DCBLD1: variants seen among roughly 807,000 people sequenced by gnomAD.
DCBLD1 encodes the protein discoidin, CUB and LCCL domain containing 1, also known as discoidin, CUB and LCCL domain-containing protein 1.
DCBLD1 carries 57 observed loss-of-function variants against 71.5 expected under a neutral mutation model. The observed-to-expected ratio is 0.80, with a 90% CI of 0.64 to 0.99. The LOEUF (loss-of-function observed/expected upper bound fraction) is 0.99. Ranked by LOEUF, DCBLD1 falls within the 50% of genes least tolerant of loss-of-function variation. DCBLD1 has a pLI of 0.00. For missense variants in DCBLD1, 891 were observed against 923.5 expected, an observed-to-expected ratio of 0.96 and a Z score of 0.46; for synonymous variants, 380 against 363.8, an observed-to-expected ratio of 1.04 and a Z score of -0.51.
rs115906950 is a variant in DCBLD1 at position 117,489,229 on chromosome 6, A to G, written c.112+6336A>G. 5.5e-3 allele frequency among the ~76,000 whole-genome samples: 837 copies of G among 152,278 alleles called. 8 individuals are homozygous for G. Among genetic ancestry groups the G allele is most frequent in the African/African-American group, 0.019 (770 of 41,554 alleles). On this transcript the variant is annotated intron_variant, in intron 1 of 14. Transcript: ENST00000338728. Reference sequence around the variant, plus strand: ...CAGAAGGTGAAGGAGAAGCATGTGCATCACATAGTGAGAGACAGAGCAAGA... The same window carrying G: ...CAGAAGGTGAAGGAGAAGCATGTGCGTCACATAGTGAGAGACAGAGCAAGA...
intron 14 of DCBLD1, among the ~76,000 whole-genome samples, chr6:117,546,018 C>T (rs2114569986): frequency 6.6e-6 from 1 of 152,312 alleles, no homozygotes; most frequent in African/African-American, 2.4e-5. Flanking sequence ...TGACAAGCCA[C>T]ATCAAGAGTC....
rs556114074 is a variant in DCBLD1, at chr6:117,508,966, A to G, written c.325+4987A>G. On this transcript the variant is annotated intron_variant, in intron 2 of 14. Transcript: ENST00000338728. ...AATGGATTGAAATTTTTGTTGCTGCATAGATATTACACGTGTGTTTAAGAG... is the reference window on the plus strand; with the variant it reads ...AATGGATTGAAATTTTTGTTGCTGCGTAGATATTACACGTGTGTTTAAGAG... Among the ~76,000 whole-genome samples the G allele has an allele frequency of 2.6e-5, 4 of 152,304 alleles. No individual in the cohort carries two copies. In the South Asian group the frequency reaches 6.2e-4, roughly 24 times the overall value.
Position 117,543,224 on chromosome 6 carries a change from T to C in DCBLD1, c.1445+13T>C, listed in dbSNP as rs771911982. 13 of 1,612,018 alleles carry C rather than the reference T, an allele frequency of 8.1e-6. No homozygotes were observed. The highest frequency in any genetic ancestry group is 2.2e-5 in the South Asian group (2 of 90,906). ...CAGCCTTTAGAAAGTATGGTGACTT[T>C]ACATGTTTAAATTTCTTCTCTAATT... On this transcript the variant is annotated intron_variant, in intron 12 of 14. Coordinates refer to ENST00000338728, the MANE Select transcript of DCBLD1 (RefSeq NM_001366458.2).
chr6:117,504,948 C>G (rs922596216), intron 2 of DCBLD1, among the ~76,000 whole-genome samples: 1 of 152,210 alleles, frequency 6.6e-6, no homozygotes, highest in Non-Finnish European at 1.5e-5. Context: ...TCTCACCTGT[C>G]TTGACCTTTG....
intron 14 of DCBLD1, among the ~76,000 whole-genome samples, chr6:117,559,090 A>AGAT (rs1256300528): frequency 1.3e-5 from 2 of 152,210 alleles, no homozygotes; most frequent in African/African-American, 4.8e-5. Context: ...CTCACCAACC[A>AGAT]GATGTCACTG....
chr6:117,546,742 C>T (rs1779278911), intron 14 of DCBLD1, among the ~76,000 whole-genome samples: 1 of 152,174 alleles, frequency 6.6e-6, no homozygotes, highest in Non-Finnish European at 1.5e-5. Flanking sequence ...CCCCAACTTC[C>T]AGCAGTGCCC....
At position 117,482,939 on chromosome 6, in the gene DCBLD1, G is replaced by A. The variant is rs1379198054; in HGVS notation, c.112+46G>A. 20 of 1,155,272 alleles carry A rather than the reference G, an allele frequency of 1.7e-5. No homozygotes were observed. The South Asian group carries it at 6.3e-4, about 36-fold the overall frequency. The allele number at this position is 1,155,272 out of a possible 1,614,324, so 71.6% of individuals were successfully genotyped here. A position where few individuals can be genotyped will look rare whatever the true frequency, so the allele number is the denominator to read the frequency against. ...TGGCGGCGGGACCCGAGGCGCCAGG[G>A]GCGGGCTGAGGGCTGCGGGGCGGGC... On this transcript the variant is annotated intron_variant, in intron 1 of 14. Transcript: ENST00000338728.
In DCBLD1 at chr6:117,537,253, T is replaced by C. The variant is rs781604398; in HGVS notation, c.760+28T>C. On this transcript the variant is annotated intron_variant, in intron 7 of 14. Transcript: ENST00000338728. ...AAGGATCATGCTTTCCTTAAGAATT[T>C]GATATTTTCGGTGGCTCACGCCTAT... The C allele has an allele frequency of 3.1e-6, 5 of 1,612,588 alleles. No homozygotes were observed. In the East Asian group the frequency reaches 8.9e-5, roughly 29 times the overall value.
Position 117,549,398 on chromosome 6 carries a change from G to T in DCBLD1, c.*959G>T. On this transcript the variant is annotated 3_prime_UTR_variant, in exon 15 of 15. Coordinates refer to ENST00000338728, the MANE Select transcript of DCBLD1 (RefSeq NM_001366458.2). ...CTTTTCTACTGACATGAAACTGTTG[G>T]AAACTGATCTCATTTTATAAGAAAT... The T allele has an allele frequency of 4.1e-6, 4 of 985,386 alleles. No homozygotes were observed. Among genetic ancestry groups the T allele is most frequent in the Non-Finnish European group, 4.8e-6 (4 of 829,926 alleles). The allele number at this position is 985,386 out of a possible 1,614,324, so 61.0% of individuals were successfully genotyped here.
Position 117,539,253 on chromosome 6 carries a change from A to G in DCBLD1, c.977-2A>G, listed in dbSNP as rs1481592320. On this transcript the variant is annotated splice_acceptor_variant, in intron 8 of 14. Transcript: ENST00000338728. LOFTEE classifies it high-confidence loss of function. ...AGCCTGTAAATATTATTTTCTTACA[A>G]GGAATTAGGACCACAGGATCTACAC... 1 of 1,468,082 alleles carries G rather than the reference A, an allele frequency of 6.8e-7. No homozygotes were observed. Among genetic ancestry groups the G allele is most frequent in the African/African-American group, 1.5e-5 (1 of 64,994 alleles). 90.9% of individuals were successfully genotyped at this position (1,468,082 alleles called of 1,614,324 possible). A position where few individuals can be genotyped will look rare whatever the true frequency, so the allele number is the denominator to read the frequency against.
intron 1 of DCBLD1, among the ~76,000 whole-genome samples, chr6:117,492,536 A>G (rs1035173434): frequency 3.9e-5 from 6 of 152,210 alleles, no homozygotes; most frequent in African/African-American, 9.7e-5. Context: ...TACTTATGCA[A>G]TTAAGCCTGA....
chr6:117,482,970 C>CGGGCT (rs1554262393), intron 1 of DCBLD1, 77 bp downstream of exon 1: 2 of 601,866 alleles, frequency 3.3e-6, no homozygotes, highest in Non-Finnish European at 4.0e-6. Context: ...CGGGCCGGGC[C>CGGGCT]GGGCCGAGGG....
At chr6:117,569,427 C>T in intron 14 of DCBLD1, 1 of 1,120,454 alleles carries the variant, frequency 8.9e-7, no homozygotes, top group East Asian at 3.0e-5. Flanking sequence ...GACTGAATGT[C>T]AGCTATAAAA....
intron 1 of DCBLD1, among the ~76,000 whole-genome samples, chr6:117,495,489 T>C (rs1212685467): frequency 6.6e-6 from 1 of 152,224 alleles, no homozygotes; most frequent in Non-Finnish European, 1.5e-5. Context: ...AATTGGGCAC[T>C]ATTGTTGTCT....
intron 5 of DCBLD1, among the ~76,000 whole-genome samples, chr6:117,530,997 T>C (rs1413693593): frequency 6.6e-6 from 1 of 152,188 alleles, no homozygotes; most frequent in Non-Finnish European, 1.5e-5. Flanking sequence ...CTCTCTTTTG[T>C]TAGGATAGCA....
At chr6:117,505,537 C>G (rs1777811345) in intron 2 of DCBLD1, among the ~76,000 whole-genome samples, 1 of 152,266 alleles carries the variant, frequency 6.6e-6, no homozygotes, top group South Asian at 2.1e-4. Context: ...GCATAAGACT[C>G]TGTCACGTCA....
chr6:117,507,229 A>G (rs1280741084), intron 2 of DCBLD1, among the ~76,000 whole-genome samples: 1 of 152,222 alleles, frequency 6.6e-6, no homozygotes, highest in Non-Finnish European at 1.5e-5. Context: ...TGTTTTAAAT[A>G]TTTGGTTTAT....
chr6:117,547,602 C>CCAGT, intron 14 of DCBLD1: 2 of 652,978 alleles, frequency 3.1e-6, no homozygotes, highest in South Asian at 3.0e-5. Context: ...ACCTCCATAG[C>CCAGT]TTCTCCAGAG....
At position 117,548,798 on chromosome 6, in the gene DCBLD1, A is replaced by C; in HGVS notation, c.*359A>C. ...AAAAGTAACTTAAGTTTGCTCTATCAGATTTTAGTTCTGCACAGAGGTTAA... is the reference window on the plus strand; with the variant it reads ...AAAAGTAACTTAAGTTTGCTCTATCCGATTTTAGTTCTGCACAGAGGTTAA... On this transcript the variant is annotated 3_prime_UTR_variant, in exon 15 of 15. Transcript: ENST00000338728. 9.0e-7 allele frequency: 1 copy of C among 1,107,786 alleles called. No homozygotes were observed. Among genetic ancestry groups the C allele is most frequent in the Non-Finnish European group, 1.1e-6 (1 of 907,136 alleles). The allele number at this position is 1,107,786 out of a possible 1,614,324, so 68.6% of individuals were successfully genotyped here. A position where few individuals can be genotyped will look rare whatever the true frequency, so the allele number is the denominator to read the frequency against.
Sources: gnomAD v4.1 joint callset for allele counts (sites outside exome capture counted in the v4.1 genomes callset) on GRCh38, gnomAD v4.1.1 for gene constraint, MANE v1.5 for transcripts, NCBI Gene and HGNC (gene_info 2026-07-23, HGNC 2026-07-21) for gene names.